Variants in ADAMTS20 observed in about 807,000 individuals in gnomAD.
ADAMTS20 encodes the protein A disintegrin and metalloproteinase with thrombospondin motifs 20.
A neutral mutation model predicts 260.1 loss-of-function variants in ADAMTS20; 225 were observed. The observed-to-expected ratio is 0.87, with a 90% confidence interval of 0.78 to 0.97. The LOEUF is 0.97. Among genes scored for constraint, ADAMTS20 ranks in the 50% least tolerant of loss-of-function variants. The probability of loss-of-function intolerance (pLI) is 0.00; values close to 1 mark genes in which losing one functional copy is unlikely to be tolerated. For missense variants in ADAMTS20, 2,400 were observed against 2,337.7 expected, an observed-to-expected ratio of 1.03 and a Z score of -0.55; for synonymous variants, 802 against 769.5, an observed-to-expected ratio of 1.04 and a Z score of -0.70.
chr12:43,409,059 T>G (rs1227342586), intron 28 of ADAMTS20, among the ~76,000 whole-genome samples: 1 of 152,150 alleles, frequency 6.6e-6, no homozygotes, highest in Non-Finnish European at 1.5e-5. Flanking sequence ...TGAGTGTGTT[T>G]TTATCAAGAG....
chr12:43,403,116 T>A (rs533810521), intron 28 of ADAMTS20, among the ~76,000 whole-genome samples: 1 of 152,258 alleles, frequency 6.6e-6, no homozygotes, highest in South Asian at 2.1e-4. Context: ...AATGGAGAGC[T>A]GAAGTTAATT....
chr12:43,433,703 AAC>A (rs56226241), intron 19 of ADAMTS20: 14,640 of 356,540 alleles, frequency 0.041, 148 homozygotes, highest in South Asian at 0.072. Context: ...TGCACACACA[AAC>A]ACACACACAC....
At position 43,452,396 on chromosome 12, in the gene ADAMTS20, G is replaced by T. The variant is rs79065113; in HGVS notation, c.1957C>A (p.Arg653Ser). 1,658 of 1,611,528 alleles carry T rather than the reference G, an allele frequency of 1.0e-3. 25 individuals are homozygous for T. The East Asian group carries it at 0.027, about 26-fold the overall frequency. The change falls in exon 14 of 39, where the codon CGT becomes AGT. Residue 653 changes from arginine to serine, a missense_variant. Physicochemically the swap from Arg to Ser is moderately radical, Grantham distance 110. Transcript: ENST00000389420. The stretch of plus-strand genomic sequence containing the variant: ...GCAACCTGACAATAGAGTTTACAAC[G>T]ATCCTTTGTGCCAACTGTAAAAAAG... ...PRYSGIGTKDRCKLYCQVAGT... is the reference protein window; with the variant it reads ...PRYSGIGTKDSCKLYCQVAGT...
rs1198501631 is a variant in ADAMTS20, at chr12:43,450,075, T to A, written c.2079+2199A>T. Among the ~76,000 whole-genome samples, 3 of 152,184 alleles carry A rather than the reference T, an allele frequency of 2.0e-5. No homozygotes were observed. The South Asian group carries it at 6.2e-4, about 31-fold the overall frequency. On this transcript the variant is annotated intron_variant, in intron 14 of 38. Coordinates refer to ENST00000389420, the MANE Select transcript of ADAMTS20 (RefSeq NM_025003.5). Reference sequence around the variant, plus strand: ...TGACTTCCATGGTTATTATTTTAACTCATGACCTTAGAACTCTGCAAATAG... The same window carrying A: ...TGACTTCCATGGTTATTATTTTAACACATGACCTTAGAACTCTGCAAATAG...
intron 29 of ADAMTS20, among the ~76,000 whole-genome samples, chr12:43,393,796 C>A (rs1027025363): frequency 2.0e-5 from 3 of 151,862 alleles, no homozygotes; most frequent in Non-Finnish European, 2.9e-5. Context: ...AATAAGTAAT[C>A]CTAATTTCTC....
chr12:43,532,242 G>A (rs1336092249), intron 2 of ADAMTS20, 47 bp from the exon 3 acceptor site: 1 of 1,534,996 alleles, frequency 6.5e-7, no homozygotes, highest in South Asian at 1.2e-5. Flanking sequence ...CAGTCGCCAA[G>A]AAGAAAAAAC....
At position 43,377,437 on chromosome 12, in the gene ADAMTS20, AG is replaced by A; in HGVS notation, c.4922del (p.Pro1641LeufsTer28). The A allele has an allele frequency of 6.2e-7, 1 of 1,613,628 alleles. No individual in the cohort carries two copies. The highest frequency in any genetic ancestry group is 8.5e-7 in the Non-Finnish European group (1 of 1,179,686). On this transcript the variant is annotated frameshift_variant, in exon 32 of 39. Transcript: ENST00000389420. LOFTEE classifies it high-confidence loss of function. ...TAATGCATTGGTAAACCTGAGAGGAAGGCACCACAGGGCATTCTTGATAAAC... is the reference window on the plus strand; with the variant it reads ...TAATGCATTGGTAAACCTGAGAGGAAGCACCACAGGGCATTCTTGATAAAC... ...PIVYQECPVVPSSQVYQCINS... is the reference protein window; with the variant it reads ...PIVYQECPVVXSSQVYQCINS...
intron 38 of ADAMTS20, among the ~76,000 whole-genome samples, chr12:43,355,242 A>G (rs1353141507): frequency 6.6e-6 from 1 of 152,198 alleles, no homozygotes; most frequent in Non-Finnish European, 1.5e-5. Flanking sequence ...AAAATCTCAG[A>G]GTTGTATAAT....
intron 7 of ADAMTS20, among the ~76,000 whole-genome samples, chr12:43,475,651 G>A (rs1942339910): frequency 1.3e-5 from 2 of 151,502 alleles, no homozygotes; most frequent in South Asian, 4.2e-4. Context: ...CAGAGATATA[G>A]ATCAATGGAA....
At chr12:43,518,644 C>A (rs1023451453) in intron 3 of ADAMTS20, among the ~76,000 whole-genome samples, 1 of 151,956 alleles carries the variant, frequency 6.6e-6, no homozygotes, top group Non-Finnish European at 1.5e-5. Context: ...AACCCCTCTA[C>A]TGATGTTCCA....
At position 43,429,704 on chromosome 12, in the gene ADAMTS20, G is replaced by A. The variant is rs773086673; in HGVS notation, c.3402C>T (p.Cys1134=). 4 of 1,587,236 alleles carry A rather than the reference G, an allele frequency of 2.5e-6. No individual in the cohort carries two copies. The highest frequency in any genetic ancestry group is 1.7e-4 in the Middle Eastern group (1 of 6,026). ...SDRQSCVLTP[C]SFISKLETAL... is the part of the protein sequence containing the mutation. ...CGGTCTCAAGTTTAGAAATAAATGA[G>A]CAAGGTGTAAGTACACAGCTCTGTT... The change falls in exon 24 of 39, where the codon TGC becomes TGT. Residue 1134 remains cysteine (C), a synonymous_variant. Coordinates refer to ENST00000389420, the MANE Select transcript of ADAMTS20 (RefSeq NM_025003.5).
intron 15 of ADAMTS20, among the ~76,000 whole-genome samples, chr12:43,445,009 A>T (rs1050959748): frequency 6.6e-6 from 1 of 152,184 alleles, no homozygotes; most frequent in African/African-American, 2.4e-5. Flanking sequence ...AATTTTAATT[A>T]ACCTCCTTTT....
intron 16 of ADAMTS20, 107 bp from the exon 17 acceptor site, chr12:43,440,176 C>T: frequency 1.3e-6 from 1 of 760,064 alleles, no homozygotes; most frequent in Non-Finnish European, 1.9e-6. Context: ...CGGAGTCTTG[C>T]TGTATCTCCC....
chr12:43,423,892 C>T (rs1361883468), intron 28 of ADAMTS20: 2 of 727,236 alleles, frequency 2.8e-6, no homozygotes, highest in African/African-American at 1.7e-5. Flanking sequence ...AGATGATGGT[C>T]CTTTGAGGCA....
intron 28 of ADAMTS20, among the ~76,000 whole-genome samples, chr12:43,406,101 T>C (rs1565683555): frequency 6.6e-6 from 1 of 152,172 alleles, no homozygotes; most frequent in Admixed American, 6.5e-5. Context: ...TCAAGATAAG[T>C]GCAACTTCAT....
At chr12:43,459,800 T>C (rs1257899363) in intron 11 of ADAMTS20, among the ~76,000 whole-genome samples, 3 of 152,330 alleles carry the variant, frequency 2.0e-5, no homozygotes, top group African/African-American at 7.2e-5. Flanking sequence ...ATGTACTATG[T>C]GCGTGTGCAT....
intron 28 of ADAMTS20, among the ~76,000 whole-genome samples, chr12:43,405,417 CTAATA>C (rs1940898974): frequency 7.4e-6 from 1 of 135,766 alleles, no homozygotes; most frequent in African/African-American, 2.7e-5. Flanking sequence ...GACGTCTTCT[CTAATA>C]ATAATAATAA....
chr12:43,354,197 C>T lies in ADAMTS20; in HGVS notation c.*12G>A. On this transcript the variant is annotated 3_prime_UTR_variant, in exon 39 of 39. Coordinates refer to ENST00000389420, the MANE Select transcript of ADAMTS20 (RefSeq NM_025003.5). ...ATCCCCTCTTTAGGGCATACTTCCC[C>T]CTTCTAAATGTTCATATGACTTGAA... The T allele has an allele frequency of 6.4e-7, 1 of 1,551,074 alleles. No individual in the cohort carries two copies. The highest frequency in any genetic ancestry group is 8.8e-7 in the Non-Finnish European group (1 of 1,138,564).
intron 3 of ADAMTS20, among the ~76,000 whole-genome samples, chr12:43,521,104 G>C (rs562026356): frequency 3.5e-4 from 54 of 152,276 alleles, no homozygotes; most frequent in African/African-American, 9.9e-4. Flanking sequence ...TAGCTGTAAG[G>C]TTAAAAAGTT....
Sources: gnomAD v4.1 joint callset for allele counts (sites outside exome capture counted in the v4.1 genomes callset) on GRCh38, gnomAD v4.1.1 for gene constraint, MANE v1.5 for transcripts, NCBI Gene and HGNC (gene_info 2026-07-23, HGNC 2026-07-21) for gene names.